The following KLRG2 variants were observed in gnomAD, a reference collection of about 807,000 sequenced individuals.
The protein encoded by KLRG2 is killer cell lectin like receptor G2.
In KLRG2, 39 loss-of-function variants were observed where a neutral mutation model predicts 35.4. The observed-to-expected ratio is 1.10, with a 90% confidence interval of 0.85 to 1.44. The LOEUF (loss-of-function observed/expected upper bound fraction) is 1.44, where lower values mean the gene tolerates loss of function less well. KLRG2 is among the 40% of genes most tolerant of loss of function. The pLI, the probability that KLRG2 is intolerant of heterozygous loss-of-function variation, is 0.00. For missense variants in KLRG2, 632 were observed against 570.9 expected, an observed-to-expected ratio of 1.11 and a Z score of -1.09; for synonymous variants, 283 against 265.8, an observed-to-expected ratio of 1.06 and a Z score of -0.63.
At chr7:139,479,854 G>A in intron 2 of KLRG2, 82 bp from the exon 3 acceptor site, 4 of 1,476,346 alleles carry the variant, frequency 2.7e-6, no homozygotes, top group South Asian at 1.3e-5. Flanking sequence ...CAAATGAAGG[G>A]GCATGGAACT....
At chr7:139,459,805 G>A (rs564287789) in intron 3 of KLRG2, among the ~76,000 whole-genome samples, 2 of 151,830 alleles carry the variant, frequency 1.3e-5, no homozygotes, top group South Asian at 2.1e-4. Context: ...AGGCTGGAGT[G>A]CAGTGGTGCA....
At chr7:139,451,966 CTTTTTTTTTTT>C (rs58186917), downstream of KLRG2, among the ~76,000 whole-genome samples, 18 of 117,208 alleles carry the variant, frequency 1.5e-4, 1 homozygote, top group Admixed American at 4.7e-4. Flanking sequence ...TTTCCATGTC[CTTTTTTTTTTT>C]TTTTTTTTTG....
the KLRG2 span, among the ~76,000 whole-genome samples, chr7:139,439,700 A>T: frequency 6.6e-6 from 1 of 151,956 alleles, no homozygotes; most frequent in Non-Finnish European, 1.5e-5. Flanking sequence ...GGTAACATGA[A>T]CCTCCTGGAC....
chr7:139,436,289 G>C, the KLRG2 span, among the ~76,000 whole-genome samples: 10 of 152,248 alleles, frequency 6.6e-5, no homozygotes, highest in Admixed American at 2.0e-4. Flanking sequence ...ACGCAAGCAT[G>C]GAAGAAGACT....
chr7:139,446,185 A>G, the KLRG2 span, among the ~76,000 whole-genome samples: 2 of 151,914 alleles, frequency 1.3e-5, no homozygotes, highest in Non-Finnish European at 2.9e-5. Flanking sequence ...TGTTGCTACA[A>G]ACTTAGAGGC....
the KLRG2 span, among the ~76,000 whole-genome samples, chr7:139,428,945 C>A: frequency 6.6e-6 from 1 of 152,176 alleles, no homozygotes; most frequent in South Asian, 2.1e-4. Context: ...CTAAGTAGAT[C>A]ACTGGTTTTT....
At chr7:139,479,288 G>A (rs1180986928) in intron 3 of KLRG2, among the ~76,000 whole-genome samples, 1 of 152,070 alleles carries the variant, frequency 6.6e-6, no homozygotes, top group African/African-American at 2.4e-5. Flanking sequence ...TCACTGTGTT[G>A]GTCAGACTGG....
At chr7:139,429,687 G>A in the KLRG2 span, among the ~76,000 whole-genome samples, 1 of 152,062 alleles carries the variant, frequency 6.6e-6, no homozygotes, top group African/African-American at 2.4e-5. Context: ...CACAGGGTTG[G>A]GGGTAAGGTC....
At position 139,483,267 on chromosome 7, in the gene KLRG2, C is replaced by G; in HGVS notation, c.376G>C (p.Val126Leu). The G allele has an allele frequency of 6.4e-7, 1 of 1,561,172 alleles. No homozygotes were observed. The highest frequency in any genetic ancestry group is 8.6e-7 in the Non-Finnish European group (1 of 1,164,980). The change falls in exon 1 of 5, where the codon GTA becomes CTA. Residue 126 changes from valine to leucine, a missense_variant. Coordinates refer to ENST00000340940, the MANE Select transcript of KLRG2 (RefSeq NM_198508.4). ...PSAWAPMELQ[V>L]DVRVKPVGAA... ...CCCACGGGCTTCACGCGCACATCTA[C>G]CTGCAGCTCCATGGGCGCCCAGGCG...
intron 3 of KLRG2, among the ~76,000 whole-genome samples, chr7:139,462,008 C>A (rs143608273): frequency 1.3e-5 from 2 of 152,196 alleles, no homozygotes; most frequent in Non-Finnish European, 2.9e-5. Flanking sequence ...CCTCTTTTTA[C>A]GCTTTTCTCC....
chr7:139,446,920 C>T, the KLRG2 span, among the ~76,000 whole-genome samples: 2 of 151,882 alleles, frequency 1.3e-5, no homozygotes, highest in African/African-American at 2.4e-5. Flanking sequence ...TCACAGTAAT[C>T]CTAGGAAAAA....
At chr7:139,449,090 A>T (rs1237883696), downstream of KLRG2, among the ~76,000 whole-genome samples, 1 of 148,564 alleles carries the variant, frequency 6.7e-6, no homozygotes, top group Non-Finnish European at 1.5e-5. Flanking sequence ...TGGGTGACAG[A>T]GGGACACTCC....
chr7:139,453,783 C>T (rs1031818584), intron 4 of KLRG2, 76 bp from the exon 5 acceptor site: 77 of 1,562,070 alleles, frequency 4.9e-5, no homozygotes, highest in Non-Finnish European at 6.1e-5. Flanking sequence ...GACCCTCCAG[C>T]GTGTGTGCCT....
chr7:139,441,742 C>T, the KLRG2 span, among the ~76,000 whole-genome samples: 5 of 152,108 alleles, frequency 3.3e-5, no homozygotes, highest in Non-Finnish European at 7.3e-5. Flanking sequence ...CATTGCACTG[C>T]AGCCCAGGCA....
intron 1 of KLRG2, 50 bp downstream of exon 1, chr7:139,482,836 A>C (rs1241565100): frequency 1.5e-6 from 2 of 1,356,006 alleles, no homozygotes; most frequent in African/African-American, 3.1e-5. Flanking sequence ...GGTTTCGGCT[A>C]CGTCCACCCG....
At chr7:139,438,027 C>G in the KLRG2 span, among the ~76,000 whole-genome samples, 12 of 152,118 alleles carry the variant, frequency 7.9e-5, no homozygotes, top group Admixed American at 7.9e-4. Flanking sequence ...AAAAGGCCTG[C>G]GTGTTTCTTT....
chr7:139,439,953 C>T, the KLRG2 span, among the ~76,000 whole-genome samples: 3 of 152,316 alleles, frequency 2.0e-5, no homozygotes, highest in South Asian at 6.2e-4. Flanking sequence ...AAAACCAAGG[C>T]ATGAGCAGGG....
At chr7:139,445,793 G>GTATA in the KLRG2 span, among the ~76,000 whole-genome samples, 16 of 95,524 alleles carry the variant, frequency 1.7e-4, 2 homozygotes, top group African/African-American at 1.2e-3. Flanking sequence ...ATATATATAT[G>GTATA]TGTGTATATA....
chr7:139,475,973 T>C (rs1796843326), intron 3 of KLRG2, among the ~76,000 whole-genome samples: 1 of 152,100 alleles, frequency 6.6e-6, no homozygotes, highest in Non-Finnish European at 1.5e-5. Context: ...AAAACACATT[T>C]GGTCACAGAC....
Sources: allele counts gnomAD v4.1 joint callset (sites outside exome capture counted in the v4.1 genomes callset), GRCh38; gene constraint gnomAD v4.1.1; transcripts MANE v1.5; gene names NCBI Gene and HGNC (gene_info 2026-07-23, HGNC 2026-07-21).